The following KPNA6 variants were observed in gnomAD, a reference collection of about 807,000 sequenced individuals.
The protein encoded by KPNA6 is importin subunit alpha-7.
Under a neutral mutation model 72.0 loss-of-function variants are expected in KPNA6, and 9 were observed. The observed-to-expected ratio is 0.13, with a 90% CI of 0.08 to 0.22. KPNA6 has a LOEUF of 0.22. Ranked by LOEUF, KPNA6 falls within the 10% of genes least tolerant of loss-of-function variation. The pLI is 1.00. For synonymous variants in KPNA6, 219 were observed against 242.1 expected (o/e 0.90, Z 0.89); for missense variants, 374 against 655.7 (o/e 0.57, Z 4.69).
intron 2 of KPNA6, 122 bp downstream of exon 2, chr1:32,154,843 C>G (rs1036753900): frequency 9.8e-7 from 1 of 1,023,028 alleles, no homozygotes; most frequent in Admixed American, 2.3e-5. Context: ...CATGGTGGCT[C>G]ATGTCTGTAA....
chr1:32,118,965 CAT>C (rs1193644362), intron 1 of KPNA6, among the ~76,000 whole-genome samples: 7 of 108,574 alleles, frequency 6.4e-5, no homozygotes, highest in Admixed American at 1.0e-4. Flanking sequence ...TGTGTCAAGC[CAT>C]ATATATGTGT....
At chr1:32,126,574 G>A (rs1261862790) in intron 1 of KPNA6, among the ~76,000 whole-genome samples, 2 of 151,898 alleles carry the variant, frequency 1.3e-5, no homozygotes, top group East Asian at 1.9e-4. Context: ...TAGTAGAGAC[G>A]AGGTTTCACC....
Position 32,172,997 on chromosome 1 carries a change from G to T in KPNA6, c.*2103G>T. 2.5e-6 allele frequency: 1 copy of T among 398,072 alleles called. No homozygotes were observed. The allele number at this position is 398,072 out of a possible 1,614,324, so 24.7% of individuals were successfully genotyped here. ...CCATTTTCTGAGGAGGATGGTTTAG[G>T]TCTGGCAATTGTCCTTGAAAAATCC... On this transcript the variant is annotated 3_prime_UTR_variant, in exon 14 of 14. Transcript: ENST00000373625.
At chr1:32,162,872 AG>A (rs1642264578) in intron 9 of KPNA6, among the ~76,000 whole-genome samples, 1 of 151,182 alleles carries the variant, frequency 6.6e-6, no homozygotes, top group South Asian at 2.1e-4. Context: ...TGGGAGGCTG[AG>A]GCGGGTGGAT....
chr1:32,155,110 CAAAAAAAAAA>C (rs144040035), intron 2 of KPNA6, among the ~76,000 whole-genome samples: 1 of 54,228 alleles, frequency 1.8e-5, no homozygotes, highest in Non-Finnish European at 3.3e-5. Context: ...AACTCCATCT[CAAAAAAAAAA>C]AAAAAAAAAA....
At chr1:32,124,032 C>CAAAAAAAAAA (rs771086945) in intron 1 of KPNA6, among the ~76,000 whole-genome samples, 1 of 43,126 alleles carries the variant, frequency 2.3e-5, no homozygotes, top group Non-Finnish European at 4.7e-5. Flanking sequence ...GACTCTGTCT[C>CAAAAAAAAAA]AAAAAAAAAA....
In KPNA6 at chr1:32,154,468, C is replaced by T. The variant is rs1483011467; in HGVS notation, c.5-120C>T. 5.8e-6 allele frequency: 6 copies of T among 1,029,062 alleles called. No homozygotes were observed. The African/African-American group carries it at 9.8e-5, about 17-fold the overall frequency. The allele number at this position is 1,029,062 out of a possible 1,614,324, so 63.7% of individuals were successfully genotyped here. A position where few individuals can be genotyped will look rare whatever the true frequency, so the allele number is the denominator to read the frequency against. On this transcript the variant is annotated intron_variant, in intron 1 of 13. Transcript: ENST00000373625. ...AGATGTCAGGTGCTATTGAGAGCTC[C>T]CAGAGAGCTGTATTCCCCCCAGAGT...
At chr1:32,133,175 C>A (rs937030535) in intron 1 of KPNA6, among the ~76,000 whole-genome samples, 1 of 151,718 alleles carries the variant, frequency 6.6e-6, no homozygotes, top group East Asian at 2.0e-4. Flanking sequence ...GAAACCTCAT[C>A]TCTACAAAAA....
At position 32,156,915 on chromosome 1, in the gene KPNA6, C is replaced by T; in HGVS notation, c.201C>T (p.Leu67=). ...NEEAAMFDSL[L]MDSYVSSTTG... ...AAGCTGCCATGTTCGATAGTCTTCT[C>T]ATGGACTCTTATGTGAGCTCTACCA... Residue 67 remains leucine, a synonymous_variant, in exon 3 of 14, where the codon CTC becomes CTT. Coordinates refer to ENST00000373625, the MANE Select transcript of KPNA6 (RefSeq NM_012316.5). The T allele has an allele frequency of 6.2e-7, 1 of 1,614,052 alleles. No homozygotes were observed. Among genetic ancestry groups the T allele is most frequent in the Non-Finnish European group, 8.5e-7 (1 of 1,179,928 alleles).
chr1:32,114,441 C>CAAAA (rs1251610614), intron 1 of KPNA6, among the ~76,000 whole-genome samples: 1,374 of 135,106 alleles, frequency 0.01, 16 homozygotes, highest in African/African-American at 0.036. Flanking sequence ...AACTCTGTCT[C>CAAAA]AAAAAAAAAA....
In KPNA6 at chr1:32,172,039, T is replaced by A. The variant is rs1017235899; in HGVS notation, c.*1145T>A. ...TATATTTTACTTCTAAAGGAGAGAA[T>A]GTCAAAAAGTTCTGTATTTTTTTAT... On this transcript the variant is annotated 3_prime_UTR_variant, in exon 14 of 14. Transcript: ENST00000373625. The A allele has an allele frequency of 2.0e-5, 3 of 152,126 alleles. No individual in the cohort carries two copies. The highest frequency in any genetic ancestry group is 7.2e-5 in the African/African-American group (3 of 41,414). 9.4% of individuals were successfully genotyped at this position (152,126 alleles called of 1,614,324 possible).
chr1:32,165,537 T>A (rs1288422294), intron 10 of KPNA6, among the ~76,000 whole-genome samples: 6 of 148,278 alleles, frequency 4.0e-5, no homozygotes, highest in Admixed American at 6.7e-5. Context: ...AAAAAAAAAA[T>A]GTTTTTTAAT....
intron 7 of KPNA6, among the ~76,000 whole-genome samples, chr1:32,161,367 G>A (rs774924436): frequency 1.4e-4 from 21 of 152,114 alleles, no homozygotes; most frequent in Admixed American, 3.9e-4. Context: ...CAGCTCTGTC[G>A]TAAATTATAG....
At chr1:32,123,452 T>C (rs1008503739) in intron 1 of KPNA6, among the ~76,000 whole-genome samples, 1 of 152,046 alleles carries the variant, frequency 6.6e-6, no homozygotes, top group Non-Finnish European at 1.5e-5. Context: ...TAAGAAAGAC[T>C]AAACAGGGCG....
At chr1:32,120,871 C>CTTTT (rs767698422) in intron 1 of KPNA6, among the ~76,000 whole-genome samples, 2 of 120,594 alleles carry the variant, frequency 1.7e-5, no homozygotes. Context: ...GGAGTTCCTT[C>CTTTT]TTTTTTTTTT....
intron 1 of KPNA6, among the ~76,000 whole-genome samples, chr1:32,118,970 A>ATGTGTGTGTG (rs749379355): frequency 3.9e-5 from 5 of 127,356 alleles, no homozygotes; most frequent in African/African-American, 1.2e-4. Flanking sequence ...CAAGCCATAT[A>ATGTGTGTGTG]TATGTGTGTG....
intron 1 of KPNA6, among the ~76,000 whole-genome samples, chr1:32,136,210 C>T (rs1641733556): frequency 7.5e-6 from 1 of 134,094 alleles, no homozygotes; most frequent in Admixed American, 7.9e-5. Flanking sequence ...GAGTTTCACT[C>T]TTGTTGCCCA....
chr1:32,112,067 G>A (rs994662758), intron 1 of KPNA6, among the ~76,000 whole-genome samples: 1 of 152,216 alleles, frequency 6.6e-6, no homozygotes, highest in Non-Finnish European at 1.5e-5. Flanking sequence ...ATTGATTTAG[G>A]CATGGGCATA....
intron 9 of KPNA6, 51 bp downstream of exon 9, chr1:32,162,575 G>T: frequency 6.3e-7 from 1 of 1,598,240 alleles, no homozygotes. Flanking sequence ...GGTGGCTTAT[G>T]CTTATAATCC....
Sources: allele counts gnomAD v4.1 joint callset (sites outside exome capture counted in the v4.1 genomes callset), GRCh38; gene constraint gnomAD v4.1.1; transcripts MANE v1.5; gene names NCBI Gene and HGNC (gene_info 2026-07-23, HGNC 2026-07-21).